Variants in DIS3L observed in about 807,000 individuals in gnomAD.
DIS3L encodes the protein DIS3 like exosome 3'-5' exoribonuclease.
In DIS3L, 100 loss-of-function variants were observed where a neutral mutation model predicts 120.3. The ratio of observed to expected loss-of-function variants is 0.83; its 90% CI spans 0.71 to 0.98. The LOEUF is 0.98. DIS3L is among the 50% of genes least tolerant of loss of function. The probability of loss-of-function intolerance (pLI) is 0.00; values close to 1 mark genes in which losing one functional copy is unlikely to be tolerated. For synonymous variants in DIS3L, 426 were observed against 470.6 expected, an observed-to-expected ratio of 0.91 and a Z score of 1.23; for missense variants, 1,196 against 1,314.2, an observed-to-expected ratio of 0.91 and a Z score of 1.39.
rs2092973063 is a variant in DIS3L, at chr15:66,329,252, T to C, written c.2388T>C (p.Thr796=). Residue 796 remains threonine, a synonymous_variant, in exon 14 of 17, where the codon ACT becomes ACC. Coordinates refer to ENST00000319212, the MANE Select transcript of DIS3L (RefSeq NM_001143688.3). Reference sequence around the variant, plus strand: ...CATTAGATAAATATACCCACTTTACTTCTCCAATAAGAAGATATTCAGATA... The same window carrying C: ...CATTAGATAAATATACCCACTTTACCTCTCCAATAAGAAGATATTCAGATA... ...GLALDKYTHF[T]SPIRRYSDIV... 6.2e-7 allele frequency: 1 copy of C among 1,608,686 alleles called. No homozygotes were observed. The highest frequency in any genetic ancestry group is 1.3e-5 in the African/African-American group (1 of 74,818).
intron 2 of DIS3L, among the ~76,000 whole-genome samples, chr15:66,297,086 G>A (rs1418959716): frequency 6.6e-6 from 1 of 152,188 alleles, no homozygotes; most frequent in African/African-American, 2.4e-5. Flanking sequence ...TTGGCACTTT[G>A]TTTACCTGTT....
intron 15 of DIS3L, among the ~76,000 whole-genome samples, chr15:66,332,518 A>G (rs566335545): frequency 0.019 from 2,200 of 118,448 alleles, 26 homozygotes; most frequent in Middle Eastern, 0.051. Context: ...GTGTGTGTAT[A>G]TATATACACA....
chr15:66,326,121 G>A lies in DIS3L; in HGVS notation c.1958G>A (p.Gly653Glu), dbSNP rs749750368. ...RDGCGALELE[G>E]VEVCVQLDDK... ...GGATGTGGTGCCCTGGAACTGGAAG[G>A]GGTAGAGGTTTGCGTACAGCTAGAT... is the stretch of plus-strand genomic sequence containing the variant. The change falls in exon 12 of 17, where the codon GGG (glycine) becomes GAG (glutamate). Residue 653 changes from glycine (G) to glutamate (E), a missense_variant. Coordinates refer to ENST00000319212, the MANE Select transcript of DIS3L (RefSeq NM_001143688.3). The A allele has an allele frequency of 6.8e-6, 11 of 1,614,172 alleles. No individual in the cohort carries two copies. The highest frequency in any genetic ancestry group is 9.3e-6 in the Non-Finnish European group (11 of 1,180,038).
At chr15:66,315,366 T>G in intron 7 of DIS3L, 151 bp downstream of exon 7, 1 of 776,862 alleles carries the variant, frequency 1.3e-6, no homozygotes, top group African/African-American at 1.7e-5. Flanking sequence ...AATATGATGA[T>G]TTTTGTGTAT....
At position 66,320,697 on chromosome 15, in the gene DIS3L, A is replaced by G; in HGVS notation, c.1291A>G (p.Asn431Asp). Reference protein sequence around the residue: ...EGEIATILVENSISVIPFSEA... With the variant: ...EGEIATILVEDSISVIPFSEA... ...GGAAATTGCAACCATCCTGGTGGAA[A>G]ACAGTATTTCAGTTATTCCTTTCTC... Residue 431 changes from asparagine to aspartate, a missense_variant, in exon 9 of 17, where the codon AAC becomes GAC. Physicochemically the swap from Asn to Asp is conservative, Grantham distance 23. Transcript: ENST00000319212. The G allele has an allele frequency of 6.2e-7, 1 of 1,614,064 alleles. No individual in the cohort carries two copies. Among genetic ancestry groups the G allele is most frequent in the Non-Finnish European group, 8.5e-7 (1 of 1,179,994 alleles).
chr15:66,324,199 G>C (rs926390837), intron 11 of DIS3L, among the ~76,000 whole-genome samples: 1 of 151,990 alleles, frequency 6.6e-6, no homozygotes, highest in South Asian at 2.1e-4. Context: ...TTTTAAAAAA[G>C]AACTTAATGG....
At position 66,333,394 on chromosome 15, in the gene DIS3L, G is replaced by A. The variant is rs1289530291; in HGVS notation, c.*82G>A. ...CTTAACATTTAATGTGTGTCACTCAGTGCTCTAGTCGATCAGGACTGGGTA... is the reference window on the plus strand; with the variant it reads ...CTTAACATTTAATGTGTGTCACTCAATGCTCTAGTCGATCAGGACTGGGTA... On this transcript the variant is annotated 3_prime_UTR_variant, in exon 17 of 17. Coordinates refer to ENST00000319212, the MANE Select transcript of DIS3L (RefSeq NM_001143688.3). 7.3e-7 allele frequency: 1 copy of A among 1,372,060 alleles called. No homozygotes were observed. The highest frequency in any genetic ancestry group is 9.9e-7 in the Non-Finnish European group (1 of 1,010,136). 85.0% of individuals were successfully genotyped at this position (1,372,060 alleles called of 1,614,324 possible). A position where few individuals can be genotyped will look rare whatever the true frequency, so the allele number is the denominator to read the frequency against.
chr15:66,318,821 C>T (rs548842084), intron 8 of DIS3L, among the ~76,000 whole-genome samples: 2 of 152,170 alleles, frequency 1.3e-5, no homozygotes, highest in East Asian at 3.9e-4. Flanking sequence ...AAGACAGAGT[C>T]TCACTCTGTC....
chr15:66,309,099 A>ATATATATATATATATATATC lies in DIS3L; in HGVS notation c.558+260_558+261insATATATATATATATCTATAT, dbSNP rs1566942345. Among the ~76,000 whole-genome samples, 2 of 113,698 alleles carry ATATATATATATATATATATC rather than the reference A, an allele frequency of 1.8e-5. 1 individual carries two copies. The highest frequency in any genetic ancestry group is 2.0e-4 in the Admixed American group (2 of 9,948). 74.6% of individuals were successfully genotyped at this position (113,698 alleles called of 152,430 possible). On this transcript the variant is annotated intron_variant, in intron 4 of 16. Transcript: ENST00000319212. ...CTCTACAGAAAAAAAAAAAAAATATATATATCTCCAAGCATGGTGGCACGC... is the reference window on the plus strand; with the variant it reads ...CTCTACAGAAAAAAAAAAAAAATATATATATATATATATATATATCTATATCTCCAAGCATGGTGGCACGC...
At chr15:66,330,638 C>A in intron 14 of DIS3L, 2 of 674,236 alleles carry the variant, frequency 3.0e-6, no homozygotes, top group Non-Finnish European at 3.7e-6. Context: ...GTCACACTGG[C>A]CACATTGTAT....
chr15:66,331,775 A>C, intron 14 of DIS3L, 100 bp from the exon 15 acceptor site: 1 of 1,296,084 alleles, frequency 7.7e-7, no homozygotes, highest in Non-Finnish European at 1.0e-6. Flanking sequence ...TTTTTATATT[A>C]ATAGTTTTAC....
chr15:66,300,933 A>G (rs894616904), intron 2 of DIS3L, among the ~76,000 whole-genome samples: 4 of 152,264 alleles, frequency 2.6e-5, no homozygotes, highest in Non-Finnish European at 4.4e-5. Flanking sequence ...AAACTTGTGG[A>G]AAACTCAGTG....
Position 66,293,698 on chromosome 15 carries a change from C to T in DIS3L, c.102C>T (p.His34=). The T allele has an allele frequency of 2.9e-6, 4 of 1,373,046 alleles. No individual in the cohort carries two copies. The highest frequency in any genetic ancestry group is 3.8e-6 in the Non-Finnish European group (4 of 1,056,610). 85.1% of individuals were successfully genotyped at this position (1,373,046 alleles called of 1,614,324 possible). A position where few individuals can be genotyped will look rare whatever the true frequency, so the allele number is the denominator to read the frequency against. The change falls in exon 1 of 17, where the codon CAC becomes CAT. Residue 34 remains histidine, a synonymous_variant. Coordinates refer to ENST00000319212, the MANE Select transcript of DIS3L (RefSeq NM_001143688.3). ...ACCTGCGGCCCTGCGTGCCCTGCCA[C>T]AGCCCGCTCTGCCCGCAGCCCGCCG... ...EHYLRPCVPC[H]SPLCPQPAAC...
intron 8 of DIS3L, among the ~76,000 whole-genome samples, chr15:66,319,341 G>A (rs554376003): frequency 1.4e-4 from 21 of 152,322 alleles, no homozygotes; most frequent in African/African-American, 4.8e-4. Context: ...AGAAAGAGCT[G>A]TGTAGGACAA....
chr15:66,298,885 A>G (rs12915164), intron 2 of DIS3L, among the ~76,000 whole-genome samples: 9,358 of 152,316 alleles, frequency 0.061, 373 homozygotes, highest in Middle Eastern at 0.11. Context: ...TGGCGAACCA[A>G]AGCAGATGGA....
intron 14 of DIS3L, chr15:66,330,295 T>A: frequency 1.3e-6 from 1 of 776,252 alleles, no homozygotes; most frequent in Non-Finnish European, 1.6e-6. Flanking sequence ...AAACTCCGTC[T>A]AAAAAAAAAA....
At chr15:66,312,210 A>G (rs1299302900) in intron 5 of DIS3L, among the ~76,000 whole-genome samples, 1 of 132,814 alleles carries the variant, frequency 7.5e-6, no homozygotes, top group Non-Finnish European at 1.6e-5. Context: ...TGTCTCAATT[A>G]AAAAAAAAAA....
intron 7 of DIS3L, among the ~76,000 whole-genome samples, chr15:66,316,747 G>A (rs1450316084): frequency 6.6e-6 from 1 of 152,106 alleles, no homozygotes; most frequent in Non-Finnish European, 1.5e-5. Context: ...CCTAGGAGGC[G>A]GAGGTTGCAG....
In DIS3L at chr15:66,322,766, G is replaced by A; in HGVS notation, c.1406G>A (p.Arg469Lys). ...PEEEQKRKDL[R>K]KSHLVFSIDP... ...GAGGAACAAAAACGTAAAGACTTGAGGAAAAGCCATCTCGTATTCAGCATT... is the reference window on the plus strand; with the variant it reads ...GAGGAACAAAAACGTAAAGACTTGAAGAAAAGCCATCTCGTATTCAGCATT... The change falls in exon 10 of 17, where the codon AGG becomes AAG. Residue 469 changes from arginine (R) to lysine (K), a missense_variant. Arg to Lys is a conservative substitution (Grantham distance 26). Coordinates refer to ENST00000319212, the MANE Select transcript of DIS3L (RefSeq NM_001143688.3). 1 of 1,614,126 alleles carries A rather than the reference G, an allele frequency of 6.2e-7. No individual in the cohort carries two copies. The highest frequency in any genetic ancestry group is 1.1e-5 in the South Asian group (1 of 91,078).
Sources: gnomAD v4.1 joint callset for allele counts (sites outside exome capture counted in the v4.1 genomes callset) on GRCh38, gnomAD v4.1.1 for gene constraint, MANE v1.5 for transcripts, NCBI Gene and HGNC (gene_info 2026-07-23, HGNC 2026-07-21) for gene names.